PKP2: variants seen among roughly 807,000 people sequenced by gnomAD.
PKP2 encodes plakophilin-2.
PKP2 carries 73 observed loss-of-function variants against 83.4 expected under a neutral mutation model. That is an observed-to-expected ratio of 0.88 (90% CI 0.72 to 1.06). PKP2 has a LOEUF of 1.06. Among genes scored for constraint, PKP2 ranks in the 50% least tolerant of loss-of-function variants. The pLI is 0.00. For missense variants in PKP2, 966 were observed against 1,065.4 expected (o/e 0.91, Z 1.30); for synonymous variants, 409 against 430.4 (o/e 0.95, Z 0.62).
chr12:32,894,385 G>C (rs1173797482), intron 1 of PKP2: 1 of 152,120 alleles, frequency 6.6e-6, no homozygotes, highest in Non-Finnish European at 1.5e-5. Context: ...CCTGCACAGC[G>C]CCCGGCATGA....
intron 9 of PKP2, among the ~76,000 whole-genome samples, chr12:32,811,541 C>T (rs1956277321): frequency 6.6e-6 from 1 of 152,196 alleles, no homozygotes; most frequent in Admixed American, 6.5e-5. Context: ...TGATTATTCA[C>T]AGTTCCTTTT....
At chr12:32,878,650 C>T in intron 2 of PKP2, 107 bp from the exon 3 acceptor site, 2 of 957,568 alleles carry the variant, frequency 2.1e-6, no homozygotes, top group African/African-American at 1.6e-5. Flanking sequence ...TTCTCTGAAT[C>T]AGATGACGAG....
chr12:32,811,216 C>A (rs951284108), intron 9 of PKP2, among the ~76,000 whole-genome samples: 1 of 152,186 alleles, frequency 6.6e-6, no homozygotes, highest in Non-Finnish European at 1.5e-5. Context: ...AGTGAGGACA[C>A]AAGTTTTTAT....
chr12:32,797,848 G>A (rs912552148), intron 10 of PKP2, among the ~76,000 whole-genome samples: 7 of 151,864 alleles, frequency 4.6e-5, no homozygotes, highest in Admixed American at 2.6e-4. Context: ...GAGCTACCGC[G>A]CCTGGCCAAG....
At chr12:32,797,299 G>T (rs1293766601) in intron 10 of PKP2, among the ~76,000 whole-genome samples, 1 of 151,502 alleles carries the variant, frequency 6.6e-6, no homozygotes, top group African/African-American at 2.4e-5. Flanking sequence ...AATTAGCTGG[G>T]CGTAGTGGCA....
chr12:32,793,820 C>T (rs57166215), intron 11 of PKP2, among the ~76,000 whole-genome samples: 14,401 of 151,708 alleles, frequency 0.095, 1,462 homozygotes, highest in African/African-American at 0.25. Context: ...TGGTCTCGAT[C>T]TCCTGACTTC....
intron 6 of PKP2, among the ~76,000 whole-genome samples, chr12:32,836,422 G>C (rs1238323333): frequency 6.6e-6 from 1 of 152,106 alleles, no homozygotes; most frequent in Non-Finnish European, 1.5e-5. Context: ...GCTTCAGATG[G>C]GCAGAACTGA....
chr12:32,830,123 T>A (rs1956485287), intron 6 of PKP2, among the ~76,000 whole-genome samples: 1 of 152,322 alleles, frequency 6.6e-6, no homozygotes, highest in Middle Eastern at 3.4e-3. Flanking sequence ...AAACACTTGG[T>A]AGGCAAAGTT....
At chr12:32,868,253 G>A (rs568574451) in intron 4 of PKP2, among the ~76,000 whole-genome samples, 5 of 152,068 alleles carry the variant, frequency 3.3e-5, no homozygotes, top group South Asian at 4.2e-4. Context: ...TCGCTCTGTC[G>A]CCCAGGCTGG....
At chr12:32,818,369 G>A (rs1028233976) in intron 9 of PKP2, among the ~76,000 whole-genome samples, 7 of 152,090 alleles carry the variant, frequency 4.6e-5, no homozygotes, top group Non-Finnish European at 1.0e-4. Context: ...GCTGAGGCAC[G>A]AGAATTACTT....
chr12:32,793,988 C>T (rs1361363052), intron 11 of PKP2, among the ~76,000 whole-genome samples: 9 of 152,178 alleles, frequency 5.9e-5, no homozygotes, highest in African/African-American at 4.8e-5. Flanking sequence ...CTGATTAGCA[C>T]ATGGCTGATT....
chr12:32,861,641 T>G (rs1956799102), intron 4 of PKP2, among the ~76,000 whole-genome samples: 1 of 152,122 alleles, frequency 6.6e-6, no homozygotes, highest in Non-Finnish European at 1.5e-5. Flanking sequence ...CTGTGAAAAT[T>G]TTCTAATTTT....
intron 9 of PKP2, among the ~76,000 whole-genome samples, chr12:32,806,026 G>A (rs1310443046): frequency 2.6e-5 from 4 of 152,144 alleles, no homozygotes; most frequent in Admixed American, 6.5e-5. Flanking sequence ...ATTGATTTGC[G>A]AATGTTGAAC....
At chr12:32,794,905 G>A (rs990908355) in intron 11 of PKP2, among the ~76,000 whole-genome samples, 1 of 152,148 alleles carries the variant, frequency 6.6e-6, no homozygotes, top group African/African-American at 2.4e-5. Context: ...GCCTAAATTG[G>A]GTGGGGCTGT....
intron 3 of PKP2, among the ~76,000 whole-genome samples, chr12:32,875,526 T>G (rs914122345): frequency 2.0e-5 from 3 of 152,154 alleles, no homozygotes; most frequent in African/African-American, 7.2e-5. Flanking sequence ...ACAATGGGGC[T>G]TGTAGGTCAT....
chr12:32,843,411 C>T (rs1468354037), intron 5 of PKP2: 7 of 828,864 alleles, frequency 8.4e-6, no homozygotes, highest in Non-Finnish European at 1.1e-5. Flanking sequence ...GCAAACATCA[C>T]CTCCCCTGAA....
In PKP2 at chr12:32,792,467, A is replaced by C. The variant is rs752195586; in HGVS notation, c.2471T>G (p.Val824Gly). The change falls in exon 13 of 13, where the codon GTC (valine) becomes GGC (glycine). Residue 824 changes from valine (V) to glycine (G), a missense_variant. Transcript: ENST00000340811. ...GTAGGCTTTGGCAGTCCGGCTGTTG[A>C]CAAAATCTGTCTTCTTAAACTGAGC... is the stretch of plus-strand genomic sequence containing the variant. ...KKAQFKKTDF[V>G]NSRTAKAYHS... 2.5e-6 allele frequency: 4 copies of C among 1,613,940 alleles called. No homozygotes were observed. Among genetic ancestry groups the C allele is most frequent in the Non-Finnish European group, 3.4e-6 (4 of 1,179,822 alleles).
intron 9 of PKP2, among the ~76,000 whole-genome samples, chr12:32,817,953 T>C (rs563788497): frequency 1.3e-5 from 2 of 152,238 alleles, no homozygotes; most frequent in Admixed American, 1.3e-4. Flanking sequence ...CAAACCCTAT[T>C]GTGAACCGCA....
intron 5 of PKP2, 148 bp downstream of exon 5, chr12:32,850,618 C>A: frequency 1.4e-6 from 1 of 704,452 alleles, no homozygotes; most frequent in Admixed American, 2.2e-5. Flanking sequence ...TCTAAGCCAG[C>A]AGGTAACAAT....
Sources: gnomAD v4.1 joint callset for allele counts (sites outside exome capture counted in the v4.1 genomes callset) on GRCh38, gnomAD v4.1.1 for gene constraint, MANE v1.5 for transcripts, NCBI Gene and HGNC (gene_info 2026-07-23, HGNC 2026-07-21) for gene names.